Variants in TAOK3 observed in about 807,000 individuals in gnomAD.
The protein encoded by TAOK3 is TAO kinase 3.
A neutral mutation model predicts 120.4 loss-of-function variants in TAOK3; 40 were observed. The observed-to-expected ratio is 0.33, with a 90% CI of 0.26 to 0.43. The LOEUF is 0.43. TAOK3 is among the 20% of genes least tolerant of loss of function. TAOK3 has a pLI of 1.00. For missense variants in TAOK3, 821 were observed against 1,112.1 expected (o/e 0.74, Z 3.72); for synonymous variants, 355 against 387.5 (o/e 0.92, Z 0.99).
rs2040534901 is a variant in TAOK3, at chr12:118,246,826, A to G, written c.121-1861T>C. On this transcript the variant is annotated intron_variant, in intron 3 of 20. Transcript: ENST00000392533. ...ACCTTTGATGCCATTTCTAAGACCTACAGCTACCTGACCCCCGACCTCTGG... is the reference window on the plus strand; with the variant it reads ...ACCTTTGATGCCATTTCTAAGACCTGCAGCTACCTGACCCCCGACCTCTGG... The G allele has an allele frequency of 3.9e-6, 5 of 1,292,732 alleles. 1 individual carries two copies. Among genetic ancestry groups the G allele is most frequent in the South Asian group, 3.6e-5 (3 of 84,358 alleles). 80.1% of individuals were successfully genotyped at this position (1,292,732 alleles called of 1,614,324 possible).
At chr12:118,167,027 G>A (rs1478061838) in intron 17 of TAOK3, among the ~76,000 whole-genome samples, 3 of 152,022 alleles carry the variant, frequency 2.0e-5, no homozygotes, top group African/African-American at 7.2e-5. Flanking sequence ...TTATGCTCAG[G>A]CTCACTGAGG....
chr12:118,369,331 G>A (rs1208504777), intron 1 of TAOK3, among the ~76,000 whole-genome samples: 1 of 152,128 alleles, frequency 6.6e-6, no homozygotes. Flanking sequence ...TAACCCCCCA[G>A]GGAATGAAGT....
At chr12:118,228,707 A>G (rs2139765169) in intron 9 of TAOK3, among the ~76,000 whole-genome samples, 1 of 152,232 alleles carries the variant, frequency 6.6e-6, no homozygotes, top group Non-Finnish European at 1.5e-5. Context: ...AAACAGTTGC[A>G]CCCTTGTACA....
intron 2 of TAOK3, among the ~76,000 whole-genome samples, chr12:118,260,601 G>T (rs1012123185): frequency 1.3e-5 from 2 of 152,078 alleles, no homozygotes; most frequent in African/African-American, 4.8e-5. Context: ...TATTGAAAAG[G>T]GTGGAGAAAA....
chr12:118,191,824 G>A (rs2037448117), intron 13 of TAOK3, among the ~76,000 whole-genome samples: 1 of 152,108 alleles, frequency 6.6e-6, no homozygotes, highest in African/African-American at 2.4e-5. Flanking sequence ...TGCCAGAAAA[G>A]CAAGCAGCTC....
At chr12:118,157,677 G>A (rs2034934279) in intron 19 of TAOK3, among the ~76,000 whole-genome samples, 3 of 152,208 alleles carry the variant, frequency 2.0e-5, no homozygotes, top group Admixed American at 2.0e-4. Flanking sequence ...TCCAATGTCT[G>A]TTTCCTCCAT....
chr12:118,238,037 C>A (rs752494182), intron 7 of TAOK3, 36 bp downstream of exon 7: 2 of 1,397,236 alleles, frequency 1.4e-6, no homozygotes, highest in Non-Finnish European at 2.0e-6. Context: ...GACAGTCCTG[C>A]AACTGAAAAG....
intron 15 of TAOK3, among the ~76,000 whole-genome samples, chr12:118,180,786 T>C (rs532763796): frequency 3.5e-4 from 53 of 152,278 alleles, no homozygotes; most frequent in South Asian, 1.0e-3. Context: ...AGCATCTTGT[T>C]TCCCTTTACT....
At chr12:118,201,182 AGGCG>A in intron 12 of TAOK3, 110 bp downstream of exon 12, 2 of 988,024 alleles carry the variant, frequency 2.0e-6, no homozygotes, top group Admixed American at 5.0e-5. Context: ...ATGTTTCTTA[AGGCG>A]GACAGCATCA....
intron 15 of TAOK3, among the ~76,000 whole-genome samples, chr12:118,179,947 G>GTTTTT: frequency 8.5e-6 from 1 of 118,158 alleles, no homozygotes; most frequent in East Asian, 2.6e-4. Flanking sequence ...TGCCTGGCTG[G>GTTTTT]TTTTTTTTTT....
chr12:118,292,227 A>G (rs958935984), intron 1 of TAOK3, among the ~76,000 whole-genome samples: 1 of 152,226 alleles, frequency 6.6e-6, no homozygotes, highest in African/African-American at 2.4e-5. Flanking sequence ...TCAATCGACA[A>G]GTCTAAAATA....
chr12:118,185,889 A>G (rs539939903), intron 14 of TAOK3, among the ~76,000 whole-genome samples: 1 of 152,336 alleles, frequency 6.6e-6, no homozygotes, highest in African/African-American at 2.4e-5. Flanking sequence ...TAGTGAGTTA[A>G]GAAGCCAAGA....
chr12:118,260,104 CT>C (rs2140203182), intron 2 of TAOK3, among the ~76,000 whole-genome samples: 1 of 152,244 alleles, frequency 6.6e-6, no homozygotes, highest in South Asian at 2.1e-4. Flanking sequence ...AAATGCTGGT[CT>C]GTGATGCCTA....
At chr12:118,280,973 T>G (rs2042079356) in intron 1 of TAOK3, among the ~76,000 whole-genome samples, 1 of 152,122 alleles carries the variant, frequency 6.6e-6, no homozygotes, top group African/African-American at 2.4e-5. Flanking sequence ...TGAATGGGAT[T>G]GCATTCTTGA....
intron 20 of TAOK3, 26 bp from the exon 21 acceptor site, chr12:118,151,184 A>C (rs528464225): frequency 6.2e-7 from 1 of 1,607,186 alleles, no homozygotes; most frequent in Admixed American, 1.7e-5. Flanking sequence ...TGCAGTTCTT[A>C]ATGGAAAGCA....
chr12:118,288,915 C>CAAAAAAA (rs34740967), intron 1 of TAOK3, among the ~76,000 whole-genome samples: 7 of 94,164 alleles, frequency 7.4e-5, no homozygotes, highest in Admixed American at 1.3e-4. Context: ...GACTCTATCT[C>CAAAAAAA]AAAAAAAAAA....
chr12:118,182,599 GTATA>G lies in TAOK3; in HGVS notation c.1330-996_1330-993del, dbSNP rs1212615187. 2.1e-3 allele frequency among the ~76,000 whole-genome samples: 201 copies of G among 93,894 alleles called. 2 individuals carry two copies. Among genetic ancestry groups the G allele is most frequent in the African/African-American group, 8.4e-3 (175 of 20,834 alleles). The allele number at this position is 93,894 out of a possible 152,430, so 61.6% of individuals were successfully genotyped here. A position where few individuals can be genotyped will look rare whatever the true frequency, so the allele number is the denominator to read the frequency against. On this transcript the variant is annotated intron_variant, in intron 14 of 20. Coordinates refer to ENST00000392533, the MANE Select transcript of TAOK3 (RefSeq NM_016281.4). ...TGTATATGTGTGTGTGTGTGTGTGT[GTATA>G]TATATATATATATATATATATTTTT... is the stretch of plus-strand genomic sequence containing the variant.
At chr12:118,344,730 A>G (rs1274885931) in intron 1 of TAOK3, among the ~76,000 whole-genome samples, 2 of 152,224 alleles carry the variant, frequency 1.3e-5, no homozygotes, top group Non-Finnish European at 2.9e-5. Context: ...TGACCAATTA[A>G]TAATATCACT....
At chr12:118,183,340 T>C (rs1178655071) in intron 14 of TAOK3, among the ~76,000 whole-genome samples, 1 of 152,220 alleles carries the variant, frequency 6.6e-6, no homozygotes, top group African/African-American at 2.4e-5. Context: ...AAGTACACCA[T>C]TAAACATTAG....
Sources: gnomAD v4.1 joint callset for allele counts (sites outside exome capture counted in the v4.1 genomes callset) on GRCh38, gnomAD v4.1.1 for gene constraint, MANE v1.5 for transcripts, NCBI Gene and HGNC (gene_info 2026-07-23, HGNC 2026-07-21) for gene names.